Variants in DCC observed in about 807,000 individuals in gnomAD.
DCC encodes the protein DCC netrin 1 receptor.
DCC carries 58 observed loss-of-function variants against 172.5 expected under a neutral mutation model. The ratio of observed to expected loss-of-function variants is 0.34; its 90% CI spans 0.27 to 0.42. The LOEUF is 0.42. Ranked by LOEUF, DCC falls within the 10% of genes least tolerant of loss-of-function variation. The probability of loss-of-function intolerance (pLI) is 1.00; values close to 1 mark genes in which losing one functional copy is unlikely to be tolerated. For synonymous variants in DCC, 709 were observed against 644.5 expected (o/e 1.10, Z -1.52); for missense variants, 1,740 against 1,791.0 (o/e 0.97, Z 0.51).
intron 3 of DCC, among the ~76,000 whole-genome samples, chr18:52,910,838 CTAAT>C (rs1342055312): frequency 6.6e-6 from 1 of 152,014 alleles, no homozygotes; most frequent in Non-Finnish European, 1.5e-5. Flanking sequence ...AAATATTTAT[CTAAT>C]TAGAGACCTT....
intron 1 of DCC, among the ~76,000 whole-genome samples, chr18:52,694,998 C>T (rs2035989582): frequency 1.3e-5 from 2 of 152,072 alleles, no homozygotes; most frequent in South Asian, 4.2e-4. Context: ...GGGTTGCCTC[C>T]CTGGGTTGGG....
At chr18:53,263,023 C>T (rs1014304320) in intron 12 of DCC, among the ~76,000 whole-genome samples, 3 of 152,104 alleles carry the variant, frequency 2.0e-5, no homozygotes, top group Non-Finnish European at 4.4e-5. Flanking sequence ...CCAATAAGAA[C>T]TGGATTTGGG....
At chr18:53,355,873 A>G (rs1309623388) in intron 15 of DCC, among the ~76,000 whole-genome samples, 3 of 152,046 alleles carry the variant, frequency 2.0e-5, no homozygotes. Context: ...TGGATTTTAT[A>G]CAATTTTATT....
At chr18:53,003,110 A>C (rs2041591594) in intron 5 of DCC, among the ~76,000 whole-genome samples, 1 of 152,168 alleles carries the variant, frequency 6.6e-6, no homozygotes, top group Non-Finnish European at 1.5e-5. Context: ...CTAACTAAGC[A>C]AAAGGAATGC....
At chr18:52,806,680 A>T (rs941328716) in intron 2 of DCC, among the ~76,000 whole-genome samples, 5 of 152,158 alleles carry the variant, frequency 3.3e-5, no homozygotes, top group Admixed American at 2.0e-4. Flanking sequence ...CTTGTAACCA[A>T]TTGCCACCTT....
At chr18:53,229,082 T>C (rs1177945936) in intron 12 of DCC, among the ~76,000 whole-genome samples, 2 of 152,170 alleles carry the variant, frequency 1.3e-5, no homozygotes, top group Non-Finnish European at 2.9e-5. Flanking sequence ...AGAAACTTAG[T>C]GTTTTCAAAT....
intron 1 of DCC, among the ~76,000 whole-genome samples, chr18:52,624,479 T>G (rs1447190011): frequency 1.3e-5 from 2 of 152,212 alleles, no homozygotes; most frequent in Non-Finnish European, 2.9e-5. Context: ...CTTAAACTTC[T>G]GTGGGGTTTG....
At chr18:53,181,694 G>A (rs945527643) in intron 9 of DCC, among the ~76,000 whole-genome samples, 2 of 152,150 alleles carry the variant, frequency 1.3e-5, no homozygotes, top group East Asian at 1.9e-4. Context: ...GTTCCAGGCT[G>A]CATGAGGCAT....
chr18:53,390,921 G>A (rs567522399), intron 16 of DCC, among the ~76,000 whole-genome samples: 2 of 152,156 alleles, frequency 1.3e-5, no homozygotes, highest in East Asian at 3.9e-4. Flanking sequence ...TGAGAATGTG[G>A]GTAAAATCAC....
rs764969024 is a variant in DCC at position 52,499,252 on chromosome 18, A to T, written c.91+158374A>T. ...TGACTGATAGCAATGACGCAGCCTG[A>T]CTTTTTCTGCTCTTGAGTCTCCCAG... On this transcript the variant is annotated intron_variant, in intron 1 of 28. Coordinates refer to ENST00000442544, the MANE Select transcript of DCC (RefSeq NM_005215.4). 5.3e-5 allele frequency among the ~76,000 whole-genome samples: 8 copies of T among 152,110 alleles called. 1 individual carries two copies. Among genetic ancestry groups the T allele is most frequent in the Non-Finnish European group, 1.2e-4 (8 of 68,010 alleles).
At chr18:53,022,815 G>A (rs1025842475) in intron 5 of DCC, among the ~76,000 whole-genome samples, 2 of 151,424 alleles carry the variant, frequency 1.3e-5, no homozygotes, top group African/African-American at 4.9e-5. Context: ...TAAATGTGAT[G>A]ACTGTAAAAA....
intron 12 of DCC, among the ~76,000 whole-genome samples, chr18:53,262,277 G>GT (rs1202291109): frequency 6.6e-6 from 1 of 152,008 alleles, no homozygotes; most frequent in Non-Finnish European, 1.5e-5. Flanking sequence ...ATTTTTCCTC[G>GT]TAGCCTAAAA....
chr18:52,993,816 GAT>G (rs1491505313), intron 5 of DCC, among the ~76,000 whole-genome samples: 1 of 151,136 alleles, frequency 6.6e-6, no homozygotes, highest in East Asian at 1.9e-4. Context: ...AATTTTCTAT[GAT>G]TTTTTTTTTC....
At chr18:53,077,338 T>C (rs907653056) in intron 7 of DCC, among the ~76,000 whole-genome samples, 1 of 152,156 alleles carries the variant, frequency 6.6e-6, no homozygotes, top group African/African-American at 2.4e-5. Context: ...CTCACTGAGC[T>C]GCAGTGTAGC....
intron 1 of DCC, among the ~76,000 whole-genome samples, chr18:52,740,364 T>C (rs957702634): frequency 4.6e-5 from 7 of 152,202 alleles, no homozygotes; most frequent in Admixed American, 4.6e-4. Context: ...ATTCATGGAC[T>C]AAGCAGAAAA....
At chr18:53,021,319 G>T (rs1269990872) in intron 5 of DCC, among the ~76,000 whole-genome samples, 1 of 152,206 alleles carries the variant, frequency 6.6e-6, no homozygotes, top group Non-Finnish European at 1.5e-5. Context: ...GCATGAATTG[G>T]AAGATTTTTC....
intron 7 of DCC, among the ~76,000 whole-genome samples, chr18:53,080,545 T>C (rs1042725815): frequency 3.9e-5 from 6 of 152,002 alleles, no homozygotes; most frequent in Admixed American, 1.3e-4. Context: ...AAACATGCAA[T>C]TGAGAAATTT....
Position 52,624,213 on chromosome 18 carries a change from G to A in DCC, c.92-127841G>A, listed in dbSNP as rs551652042. Among the ~76,000 whole-genome samples, 7 of 152,060 alleles carry A rather than the reference G, an allele frequency of 4.6e-5. No individual in the cohort carries two copies. In the East Asian group the frequency reaches 5.8e-4, roughly 13 times the overall value. On this transcript the variant is annotated intron_variant, in intron 1 of 28. Coordinates refer to ENST00000442544, the MANE Select transcript of DCC (RefSeq NM_005215.4). Reference sequence around the variant, plus strand: ...TGAAACAAAATTAAATTAATTACAGGCTTGCATCCTATAATTAAAATTTCA... The same window carrying A: ...TGAAACAAAATTAAATTAATTACAGACTTGCATCCTATAATTAAAATTTCA...
chr18:52,602,723 G>A (rs961009662), intron 1 of DCC, among the ~76,000 whole-genome samples: 1 of 151,700 alleles, frequency 6.6e-6, no homozygotes, highest in Non-Finnish European at 1.5e-5. Context: ...TCTAGCAAAC[G>A]AGATTTAACA....
Sources: allele counts gnomAD v4.1 joint callset (sites outside exome capture counted in the v4.1 genomes callset), GRCh38; gene constraint gnomAD v4.1.1; transcripts MANE v1.5; gene names NCBI Gene and HGNC (gene_info 2026-07-23, HGNC 2026-07-21).